Variants in ANGPT1 observed in about 807,000 individuals in gnomAD.
ANGPT1 encodes angiopoietin-1.
In ANGPT1, 17 loss-of-function variants were observed where a neutral mutation model predicts 62.2. The ratio of observed to expected loss-of-function variants is 0.27; its 90% CI spans 0.19 to 0.41. The LOEUF (loss-of-function observed/expected upper bound fraction) is 0.41. ANGPT1 is among the 10% of genes least tolerant of loss of function. The pLI, the probability that ANGPT1 is intolerant of heterozygous loss-of-function variation, is 1.00. For synonymous variants in ANGPT1, 199 were observed against 198.9 expected (o/e 1.00, Z 0.00); for missense variants, 478 against 594.9 (o/e 0.80, Z 2.04).
intron 1 of ANGPT1, among the ~76,000 whole-genome samples, chr8:107,470,384 T>A (rs1035529347): frequency 6.6e-6 from 1 of 152,112 alleles, no homozygotes; most frequent in Admixed American, 6.6e-5. Flanking sequence ...AACTTACTAA[T>A]TTTTTATTTG....
chr8:107,307,015 A>C (rs1416840286), intron 4 of ANGPT1, among the ~76,000 whole-genome samples: 1 of 152,138 alleles, frequency 6.6e-6, no homozygotes, highest in Non-Finnish European at 1.5e-5. Flanking sequence ...AAAGTGGTTT[A>C]CACTTTTTGT....
Position 107,495,126 on chromosome 8 carries a change from A to G in ANGPT1, c.297+2136T>C, listed in dbSNP as rs548887955. 9.2e-5 allele frequency: 14 copies of G among 152,302 alleles called. No individual in the cohort carries two copies. The South Asian group carries it at 2.7e-3, about 29-fold the overall frequency. 9.4% of individuals were successfully genotyped at this position (152,302 alleles called of 1,614,324 possible). On this transcript the variant is annotated intron_variant, in intron 1 of 8. Coordinates refer to ENST00000517746, the MANE Select transcript of ANGPT1 (RefSeq NM_001146.5). The stretch of plus-strand genomic sequence containing the variant: ...CTCCTAATTAAGGGAAACTTATGAA[A>G]GCCTTTAGCAAGTTCTTTGCTGAAT...
At chr8:107,301,459 T>C (rs1411623438) in intron 5 of ANGPT1, among the ~76,000 whole-genome samples, 3 of 151,910 alleles carry the variant, frequency 2.0e-5, no homozygotes. Flanking sequence ...ATGATGTGTG[T>C]GTGTGTGTGA....
rs144911461 is a variant in ANGPT1 at position 107,371,746 on chromosome 8, G to A, written c.298-24649C>T. On this transcript the variant is annotated intron_variant, in intron 1 of 8. Transcript: ENST00000517746. Reference sequence around the variant, plus strand: ...CACCCACCAGCAGGCCTGTGGTGCCGGGCATTCTTATGCTGTCTTCCACCT... The same window carrying A: ...CACCCACCAGCAGGCCTGTGGTGCCAGGCATTCTTATGCTGTCTTCCACCT... Among the ~76,000 whole-genome samples, 94 of 151,760 alleles carry A rather than the reference G, an allele frequency of 6.2e-4. No homozygotes were observed. The East Asian group carries it at 9.9e-3, about 16-fold the overall frequency.
At chr8:107,253,580 G>GGTCT (rs1293363223) in intron 8 of ANGPT1, among the ~76,000 whole-genome samples, 6 of 152,084 alleles carry the variant, frequency 3.9e-5, no homozygotes, top group Non-Finnish European at 7.4e-5. Flanking sequence ...TATGCACCAT[G>GGTCT]GTCTCTCAAG....
At chr8:107,295,946 T>C (rs997043134) in intron 5 of ANGPT1, among the ~76,000 whole-genome samples, 4 of 152,072 alleles carry the variant, frequency 2.6e-5, no homozygotes, top group Non-Finnish European at 5.9e-5. Flanking sequence ...TCATCTCCAT[T>C]TTACAGATGA....
At chr8:107,257,902 TGTTTG>T (rs1813403783) in intron 8 of ANGPT1, among the ~76,000 whole-genome samples, 1 of 95,984 alleles carries the variant, frequency 1.0e-5, no homozygotes, top group African/African-American at 3.6e-5. Flanking sequence ...TTTGTTTGTT[TGTTTG>T]TTTTTGACTG....
At chr8:107,393,561 G>T (rs7009628) in intron 1 of ANGPT1, among the ~76,000 whole-genome samples, 46,504 of 152,024 alleles carry the variant, frequency 0.31, 8,224 homozygotes, top group East Asian at 0.58. Context: ...TGTAATCCTA[G>T]CACTTTGGGA....
At chr8:107,269,673 GA>G (rs1379918430) in intron 7 of ANGPT1, among the ~76,000 whole-genome samples, 1 of 151,470 alleles carries the variant, frequency 6.6e-6, no homozygotes, top group African/African-American at 2.4e-5. Context: ...TGTTCCTCCA[GA>G]AAAAAACATT....
intron 1 of ANGPT1, among the ~76,000 whole-genome samples, chr8:107,472,705 A>C (rs1353684150): frequency 2.6e-5 from 4 of 151,946 alleles, no homozygotes; most frequent in African/African-American, 4.8e-5. Context: ...GAAGTTAAAC[A>C]GGTAAAGCAG....
At chr8:107,260,711 C>T (rs1813471186) in intron 8 of ANGPT1, among the ~76,000 whole-genome samples, 1 of 152,116 alleles carries the variant, frequency 6.6e-6, no homozygotes, top group Non-Finnish European at 1.5e-5. Context: ...TGGATTCTTT[C>T]AAAGGGACAT....
chr8:107,375,998 T>C (rs1005755788), intron 1 of ANGPT1, among the ~76,000 whole-genome samples: 7 of 152,232 alleles, frequency 4.6e-5, no homozygotes, highest in Non-Finnish European at 1.0e-4. Flanking sequence ...AAGAGACCTC[T>C]TGCTTTCTTT....
At chr8:107,442,876 T>C (rs968052493) in intron 1 of ANGPT1, among the ~76,000 whole-genome samples, 3 of 152,204 alleles carry the variant, frequency 2.0e-5, no homozygotes, top group Admixed American at 6.5e-5. Context: ...TTTTTCTGCA[T>C]AGAGCAAATA....
intron 2 of ANGPT1, among the ~76,000 whole-genome samples, chr8:107,337,086 C>T (rs1234181615): frequency 7.2e-5 from 11 of 152,248 alleles, no homozygotes; most frequent in Non-Finnish European, 1.3e-4. Context: ...ATCATGACCA[C>T]CTATCAAAGG....
intron 1 of ANGPT1, among the ~76,000 whole-genome samples, chr8:107,374,722 G>C (rs1029983509): frequency 6.6e-6 from 1 of 152,190 alleles, no homozygotes; most frequent in African/African-American, 2.4e-5. Context: ...CATGGCTATT[G>C]GCCAAAGAAT....
chr8:107,494,528 T>C (rs1306326413), intron 1 of ANGPT1: 2 of 152,354 alleles, frequency 1.3e-5, no homozygotes, highest in African/African-American at 4.8e-5. Context: ...CCACCCTTCC[T>C]GGTCTGAGAT....
At chr8:107,322,337 T>C (rs1362834907) in intron 3 of ANGPT1, among the ~76,000 whole-genome samples, 3 of 152,152 alleles carry the variant, frequency 2.0e-5, no homozygotes, top group Non-Finnish European at 1.5e-5. Flanking sequence ...AAACCAGATA[T>C]TGTCAGAGTA....
chr8:107,313,584 C>A (rs560344832), intron 4 of ANGPT1, among the ~76,000 whole-genome samples: 1 of 151,202 alleles, frequency 6.6e-6, no homozygotes, highest in African/African-American at 2.4e-5. Context: ...GGACTACAGG[C>A]GCCCACCACC....
intron 8 of ANGPT1, among the ~76,000 whole-genome samples, chr8:107,259,708 G>T (rs1813450084): frequency 6.6e-6 from 1 of 152,028 alleles, no homozygotes; most frequent in African/African-American, 2.4e-5. Context: ...GTTTATGAAA[G>T]ATTTTTAGAA....
Sources: allele counts gnomAD v4.1 joint callset (sites outside exome capture counted in the v4.1 genomes callset), GRCh38; gene constraint gnomAD v4.1.1; transcripts MANE v1.5; gene names NCBI Gene and HGNC (gene_info 2026-07-23, HGNC 2026-07-21).